Variants in MTMR3 observed in about 807,000 individuals in gnomAD.
MTMR3 encodes the protein phosphatidylinositol-3,5-bisphosphate 3-phosphatase MTMR3.
Under a neutral mutation model 132.4 loss-of-function variants are expected in MTMR3, and 32 were observed. The ratio of observed to expected loss-of-function variants is 0.24; its 90% CI spans 0.18 to 0.32. The LOEUF (loss-of-function observed/expected upper bound fraction) is 0.32. Ranked by LOEUF, MTMR3 falls within the 10% of genes least tolerant of loss-of-function variation. The pLI, the probability that MTMR3 is intolerant of heterozygous loss-of-function variation, is 1.00. For missense variants in MTMR3, 1,216 were observed against 1,489.6 expected, an observed-to-expected ratio of 0.82 and a Z score of 3.02; for synonymous variants, 556 against 550.3, an observed-to-expected ratio of 1.01 and a Z score of -0.14.
intron 19 of MTMR3, chr22:30,024,488 C>G (rs150052761): frequency 2.0e-5 from 3 of 152,218 alleles, no homozygotes; most frequent in South Asian, 2.1e-4. Flanking sequence ...TTGTGTTTTT[C>G]TTTTCTGTCT....
Position 30,012,367 on chromosome 22 carries a change from G to A in MTMR3, c.1122-1G>A, listed in dbSNP as rs1311697592. On this transcript the variant is annotated splice_acceptor_variant, in intron 12 of 19. Coordinates refer to ENST00000401950, the MANE Select transcript of MTMR3 (RefSeq NM_021090.4). LOFTEE classifies it high-confidence loss of function. ...TTTCTAATCCTCTCCTGTTTTTATA[G>A]TTGGCTATCAGCTCTTGAAAGCACA... 1 of 1,611,514 alleles carries A rather than the reference G, an allele frequency of 6.2e-7. No homozygotes were observed. The highest frequency in any genetic ancestry group is 1.7e-5 in the Admixed American group (1 of 59,282).
intron 8 of MTMR3, chr22:30,002,321 A>C (rs2067192691): frequency 1.3e-5 from 2 of 152,598 alleles, no homozygotes; most frequent in Admixed American, 6.5e-5. Flanking sequence ...TTGCATACCC[A>C]TGGCTGCACC....
intron 16 of MTMR3, 80 bp from the exon 17 acceptor site, chr22:30,019,400 T>C (rs1040349874): frequency 1.5e-6 from 2 of 1,349,096 alleles, no homozygotes; most frequent in African/African-American, 1.5e-5. Context: ...ATGAAACAAC[T>C]GCTTGTTAAA....
At chr22:29,886,380 C>T (rs1353625852) in intron 1 of MTMR3, among the ~76,000 whole-genome samples, 1 of 152,176 alleles carries the variant, frequency 6.6e-6, no homozygotes, top group Non-Finnish European at 1.5e-5. Flanking sequence ...TTAAGTGTTT[C>T]AGATGTTAGT....
chr22:30,028,101 C>T lies in MTMR3; in HGVS notation c.*2300C>T, dbSNP rs1394720685. 6.6e-6 allele frequency: 1 copy of T among 152,376 alleles called. No homozygotes were observed. The highest frequency in any genetic ancestry group is 2.4e-5 in the African/African-American group (1 of 41,460). 9.4% of individuals were successfully genotyped at this position (152,376 alleles called of 1,614,324 possible). On this transcript the variant is annotated 3_prime_UTR_variant, in exon 20 of 20. Coordinates refer to ENST00000401950, the MANE Select transcript of MTMR3 (RefSeq NM_021090.4). ...CCAGGCTAAAAGAGGGCAAAGCAGT[C>T]AGGGATCTGACCTGGCAGCTATTCC...
chr22:29,916,497 A>G (rs1387003923), intron 1 of MTMR3, among the ~76,000 whole-genome samples: 1 of 152,148 alleles, frequency 6.6e-6, no homozygotes, highest in Non-Finnish European at 1.5e-5. Context: ...AACTGCCTCA[A>G]AATACAAAGC....
At chr22:29,969,038 G>A (rs751764263) in intron 2 of MTMR3, among the ~76,000 whole-genome samples, 5 of 152,112 alleles carry the variant, frequency 3.3e-5, no homozygotes, top group Non-Finnish European at 7.3e-5. Context: ...TTCACACACT[G>A]ATGTCTCCCA....
At chr22:29,917,009 A>G (rs1223562643) in intron 1 of MTMR3, among the ~76,000 whole-genome samples, 2 of 152,186 alleles carry the variant, frequency 1.3e-5, no homozygotes, top group African/African-American at 2.4e-5. Context: ...TTCTTGTTCT[A>G]CAATATCCCA....
At chr22:29,981,384 T>G (rs2066739817) in intron 5 of MTMR3, 1 of 152,228 alleles carries the variant, frequency 6.6e-6, no homozygotes, top group African/African-American at 2.4e-5. Flanking sequence ...GAGTAGGTTG[T>G]TGACTGGAAT....
At chr22:29,922,863 T>C (rs75258954) in intron 1 of MTMR3, among the ~76,000 whole-genome samples, 3,576 of 151,874 alleles carry the variant, frequency 0.024, 142 homozygotes, top group African/African-American at 0.082. Context: ...AATTGTAGTT[T>C]TGACTCACAT....
intron 15 of MTMR3, chr22:30,017,702 A>T (rs1262966059): frequency 8.2e-6 from 4 of 489,252 alleles, no homozygotes; most frequent in African/African-American, 8.2e-5. Flanking sequence ...TTATATTTTC[A>T]TGCTCTCAAG....
chr22:29,900,344 C>T (rs2064981314), intron 1 of MTMR3, among the ~76,000 whole-genome samples: 1 of 152,038 alleles, frequency 6.6e-6, no homozygotes, highest in Non-Finnish European at 1.5e-5. Flanking sequence ...CTTAACGTTT[C>T]TTTTGCAAAC....
intron 1 of MTMR3, among the ~76,000 whole-genome samples, chr22:29,948,916 C>T (rs1351042458): frequency 1.3e-5 from 2 of 151,262 alleles, no homozygotes; most frequent in African/African-American, 2.4e-5. Flanking sequence ...ACCAATGAGA[C>T]CACATCTCTA....
rs1458610947 is a variant in MTMR3 at position 30,006,999 on chromosome 22, C to G, written c.672-115C>G. On this transcript the variant is annotated intron_variant, in intron 9 of 19. Coordinates refer to ENST00000401950, the MANE Select transcript of MTMR3 (RefSeq NM_021090.4). ...TCTTTAATACTGAGAGGACTTGAAG[C>G]TGACCCAACACTTACCTAGAATTAG... 6 of 1,061,978 alleles carry G rather than the reference C, an allele frequency of 5.6e-6. No homozygotes were observed. The African/African-American group carries it at 7.9e-5, about 14-fold the overall frequency. The allele number at this position is 1,061,978 out of a possible 1,614,324, so 65.8% of individuals were successfully genotyped here. A position where few individuals can be genotyped will look rare whatever the true frequency, so the allele number is the denominator to read the frequency against.
chr22:30,020,478 A>G lies in MTMR3; in HGVS notation c.2819A>G (p.Glu940Gly), dbSNP rs2067716025. 9 of 1,614,186 alleles carry G rather than the reference A, an allele frequency of 5.6e-6. No homozygotes were observed. In the East Asian group the frequency reaches 2.0e-4, roughly 36 times the overall value. Residue 940 changes from glutamate to glycine, a missense_variant, in exon 17 of 20, where the codon GAG becomes GGG. Glu to Gly is a moderately conservative substitution (Grantham distance 98). Around this residue, in one of 7 missense-constraint regions of MTMR3, gnomAD observed 852 missense variants for 852.0 expected, o/e 1.00. Transcript: ENST00000401950. ...GAPETENRAS[E>G]QPPGLSTLQM... ...CCAGAGACTGAAAACAGGGCCTCAGAGCAGCCCCCAGGTCTTAGCACCCTC... is the reference window on the plus strand; with the variant it reads ...CCAGAGACTGAAAACAGGGCCTCAGGGCAGCCCCCAGGTCTTAGCACCCTC...
rs2067588144 is a variant in MTMR3 at position 30,016,254 on chromosome 22, T to G, written c.1504-274T>G. ...GCACCCAGTTCATATGCTGTGGCGC[T>G]TGTGAGAGTGGCTGTTAATTCACAA... On this transcript the variant is annotated intron_variant, in intron 14 of 19. Transcript: ENST00000401950. The G allele has an allele frequency of 1.3e-5, 5 of 382,316 alleles. No homozygotes were observed. The South Asian group carries it at 1.7e-4, about 13-fold the overall frequency. The allele number at this position is 382,316 out of a possible 1,614,324, so 23.7% of individuals were successfully genotyped here. A position where few individuals can be genotyped will look rare whatever the true frequency, so the allele number is the denominator to read the frequency against.
At position 29,979,050 on chromosome 22, in the gene MTMR3, A is replaced by AATGTAAGTGATTACCAGCTGTTCTCCCTT; in HGVS notation, c.210+26_210+27insTATGTAAGTGATTACCAGCTGTTCTCCCT. ...CATCAAGTTCAAGGAGTCTCTTGTT[A>AATGTAAGTGATTACCAGCTGTTCTCCCTT]ATGTAAGTGATTACCAGCTGTTCTC... On this transcript the variant is annotated frameshift_variant and splice_region_variant, in exon 5 of 20. Transcript: ENST00000401950. LOFTEE classifies it high-confidence loss of function. The AATGTAAGTGATTACCAGCTGTTCTCCCTT allele has an allele frequency of 1.3e-6, 2 of 1,583,758 alleles. No homozygotes were observed. Among genetic ancestry groups the AATGTAAGTGATTACCAGCTGTTCTCCCTT allele is most frequent in the Non-Finnish European group, 1.7e-6 (2 of 1,152,286 alleles).
rs145026900 is a variant in MTMR3 at position 30,007,233 on chromosome 22, A to G, written c.791A>G (p.Asp264Gly). Residue 264 changes from aspartate (D) to glycine (G), a missense_variant, in exon 10 of 20, where the codon GAC becomes GGC. Physicochemically the swap from Asp to Gly is moderately conservative, Grantham distance 94. Around this residue, in one of 7 missense-constraint regions of MTMR3, gnomAD observed 129 missense variants for 245.7 expected, o/e 0.53. Transcript: ENST00000401950. ...VQSVAKACAS[D>G]SRSSGSKLST... Reference sequence around the variant, plus strand: ...TCAGTAGCCAAAGCTTGTGCCTCTGACTCCCGATCGAGTGGCAGCAAGCTG... The same window carrying G: ...TCAGTAGCCAAAGCTTGTGCCTCTGGCTCCCGATCGAGTGGCAGCAAGCTG... The G allele has an allele frequency of 1.2e-4, 196 of 1,613,912 alleles. No individual in the cohort carries two copies. Among genetic ancestry groups the G allele is most frequent in the Non-Finnish European group, 1.6e-4 (184 of 1,180,014 alleles).
At chr22:29,931,444 C>G (rs1569010218) in intron 1 of MTMR3, among the ~76,000 whole-genome samples, 1 of 152,138 alleles carries the variant, frequency 6.6e-6, no homozygotes, top group South Asian at 2.1e-4. Flanking sequence ...GTTTTTGAGA[C>G]AGAGTCTCAC....
Sources: allele counts gnomAD v4.1 joint callset (sites outside exome capture counted in the v4.1 genomes callset), GRCh38; gene constraint gnomAD v4.1.1; regional missense constraint gnomAD v4.1.1; transcripts MANE v1.5; gene names NCBI Gene and HGNC (gene_info 2026-07-23, HGNC 2026-07-21).